Variants in NUBPL observed in about 807,000 individuals in gnomAD.
NUBPL encodes NUBP iron-sulfur cluster assembly factor, mitochondrial, also known as iron-sulfur cluster transfer protein NUBPL.
In NUBPL, 31 loss-of-function variants were observed where a neutral mutation model predicts 45.7. The observed-to-expected ratio is 0.68, with a 90% confidence interval of 0.51 to 0.92. NUBPL has a LOEUF of 0.92. Ranked by LOEUF, NUBPL falls within the 40% of genes least tolerant of loss-of-function variation. The pLI, the probability that NUBPL is intolerant of heterozygous loss-of-function variation, is 0.00. For missense variants in NUBPL, 401 were observed against 398.7 expected (o/e 1.01, Z -0.05); for synonymous variants, 144 against 140.9 (o/e 1.02, Z -0.15).
At chr14:31,850,304 ATATT>A in intron 10 of NUBPL, 103 bp downstream of exon 10, 1 of 842,720 alleles carries the variant, frequency 1.2e-6, no homozygotes, top group Non-Finnish European at 2.0e-6. Flanking sequence ...CAGTGCATAT[ATATT>A]TAAACAAGGA....
chr14:31,567,648 CA>C (rs1377509064), intron 3 of NUBPL, among the ~76,000 whole-genome samples: 2 of 150,846 alleles, frequency 1.3e-5, no homozygotes, highest in Non-Finnish European at 1.5e-5. Flanking sequence ...CTTGCTGTTC[CA>C]AAAAAAAGGT....
chr14:31,798,303 G>T lies in NUBPL; in HGVS notation c.607+10430G>T, dbSNP rs9743600. Reference sequence around the variant, plus strand: ...CTTTCATTTTAGGTATTTATTTATGGTTTTTTTTTTTTTTTTTTGCTGTGC... The same window carrying T: ...CTTTCATTTTAGGTATTTATTTATGTTTTTTTTTTTTTTTTTTTGCTGTGC... On this transcript the variant is annotated intron_variant, in intron 7 of 10. Coordinates refer to ENST00000281081, the MANE Select transcript of NUBPL (RefSeq NM_025152.3). Among the ~76,000 whole-genome samples, 308 of 107,230 alleles carry T rather than the reference G, an allele frequency of 2.9e-3. 7 individuals carry two copies. Among genetic ancestry groups the T allele is most frequent in the African/African-American group, 0.01 (241 of 23,176 alleles). The allele number at this position is 107,230 out of a possible 152,430, so 70.3% of individuals were successfully genotyped here. A position where few individuals can be genotyped will look rare whatever the true frequency, so the allele number is the denominator to read the frequency against.
At chr14:31,834,974 T>C (rs1236840504) in intron 8 of NUBPL, among the ~76,000 whole-genome samples, 1 of 152,164 alleles carries the variant, frequency 6.6e-6, no homozygotes, top group African/African-American at 2.4e-5. Context: ...ATAAGAGGGT[T>C]CTTCATCAAA....
chr14:31,666,808 T>C (rs1316486606), intron 4 of NUBPL, among the ~76,000 whole-genome samples: 1 of 152,172 alleles, frequency 6.6e-6, no homozygotes, highest in East Asian at 1.9e-4. Context: ...CCTTCACTTA[T>C]GAAGCTTAGT....
At chr14:31,638,474 G>C (rs1393838541) in intron 4 of NUBPL, among the ~76,000 whole-genome samples, 1 of 151,780 alleles carries the variant, frequency 6.6e-6, no homozygotes, top group Non-Finnish European at 1.5e-5. Flanking sequence ...AGTCTGATGG[G>C]CTTCCCTTTG....
At chr14:31,743,838 T>A (rs928655572) in intron 6 of NUBPL, among the ~76,000 whole-genome samples, 3 of 152,116 alleles carry the variant, frequency 2.0e-5, no homozygotes, top group Non-Finnish European at 2.9e-5. Flanking sequence ...CATGTAGAAA[T>A]AAGGACGAAG....
At chr14:31,596,758 T>C (rs1269901406) in intron 3 of NUBPL, among the ~76,000 whole-genome samples, 1 of 152,272 alleles carries the variant, frequency 6.6e-6, no homozygotes, top group Non-Finnish European at 1.5e-5. Context: ...TAAGAAAGAA[T>C]ACTTTAAATG....
intron 6 of NUBPL, among the ~76,000 whole-genome samples, chr14:31,701,582 G>C (rs995123252): frequency 6.6e-6 from 1 of 152,134 alleles, no homozygotes; most frequent in South Asian, 2.1e-4. Flanking sequence ...CACTCACTGC[G>C]AAGGTCTGCA....
At chr14:31,570,983 T>C (rs898876832) in intron 3 of NUBPL, among the ~76,000 whole-genome samples, 4 of 152,230 alleles carry the variant, frequency 2.6e-5, no homozygotes, top group African/African-American at 9.6e-5. Context: ...TTTGCTGATA[T>C]TCAATATCCT....
At chr14:31,843,555 G>T (rs1444460010) in intron 8 of NUBPL, among the ~76,000 whole-genome samples, 1 of 152,072 alleles carries the variant, frequency 6.6e-6, no homozygotes, top group Non-Finnish European at 1.5e-5. Flanking sequence ...TGGCTTTTTA[G>T]CACTCATTAT....
chr14:31,739,355 G>A (rs1227956921), intron 6 of NUBPL, among the ~76,000 whole-genome samples: 4 of 151,368 alleles, frequency 2.6e-5, no homozygotes, highest in African/African-American at 9.7e-5. Context: ...AGAGTGCTGG[G>A]ATTACAGGCA....
chr14:31,755,325 AGT>A (rs1380707927), intron 6 of NUBPL, among the ~76,000 whole-genome samples: 2 of 152,134 alleles, frequency 1.3e-5, no homozygotes, highest in African/African-American at 4.8e-5. Flanking sequence ...ACAGTGTAAA[AGT>A]GTTCCTATTT....
At chr14:31,748,763 C>A (rs916049949) in intron 6 of NUBPL, among the ~76,000 whole-genome samples, 3 of 151,992 alleles carry the variant, frequency 2.0e-5, no homozygotes, top group Admixed American at 6.5e-5. Context: ...CAGGTGTGCA[C>A]CACCACACCT....
chr14:31,644,784 C>G (rs556431604), intron 4 of NUBPL, among the ~76,000 whole-genome samples: 1 of 152,074 alleles, frequency 6.6e-6, no homozygotes, highest in African/African-American at 2.4e-5. Flanking sequence ...CAGTCTGTCT[C>G]TTCCTTTAGA....
intron 7 of NUBPL, among the ~76,000 whole-genome samples, chr14:31,825,219 G>A (rs972514562): frequency 6.6e-6 from 1 of 152,000 alleles, no homozygotes; most frequent in Non-Finnish European, 1.5e-5. Context: ...CTAGGACTCA[G>A]CCTAAGAATC....
chr14:31,788,241 G>T (rs960179977), intron 7 of NUBPL, among the ~76,000 whole-genome samples: 1 of 152,150 alleles, frequency 6.6e-6, no homozygotes, highest in South Asian at 2.1e-4. Context: ...GTAGCAGCAA[G>T]GGTTAAGTAG....
At chr14:31,740,291 G>A (rs1331079598) in intron 6 of NUBPL, among the ~76,000 whole-genome samples, 1 of 152,152 alleles carries the variant, frequency 6.6e-6, no homozygotes, top group Non-Finnish European at 1.5e-5. Flanking sequence ...CGTTTCTTTT[G>A]CTCCACATCC....
At chr14:31,757,449 A>C (rs906054043) in intron 6 of NUBPL, among the ~76,000 whole-genome samples, 13 of 151,942 alleles carry the variant, frequency 8.6e-5, no homozygotes, top group Admixed American at 3.9e-4. Context: ...TATGTTGAGG[A>C]ATTTATCCAT....
chr14:31,799,043 G>A (rs1164410996), intron 7 of NUBPL, among the ~76,000 whole-genome samples: 6 of 151,980 alleles, frequency 3.9e-5, no homozygotes, highest in Non-Finnish European at 8.8e-5. Flanking sequence ...GAAATGTTGT[G>A]AATTAGAAAG....
Sources: gnomAD v4.1 joint callset for allele counts (sites outside exome capture counted in the v4.1 genomes callset) on GRCh38, gnomAD v4.1.1 for gene constraint, MANE v1.5 for transcripts, NCBI Gene and HGNC (gene_info 2026-07-23, HGNC 2026-07-21) for gene names.